JPT1: variants seen among roughly 807,000 people sequenced by gnomAD.
JPT1 encodes Jupiter microtubule associated homolog 1.
A neutral mutation model predicts 17.0 loss-of-function variants in JPT1; 5 were observed. The observed-to-expected ratio is 0.29, with a 90% CI of 0.15 to 0.62. The LOEUF is 0.62. Among genes scored for constraint, JPT1 ranks in the 20% least tolerant of loss-of-function variants. JPT1 has a pLI of 0.85. For synonymous variants in JPT1, 71 were observed against 73.6 expected (o/e 0.96, Z 0.18); for missense variants, 158 against 188.1 (o/e 0.84, Z 0.94).
intron 1 of JPT1, among the ~76,000 whole-genome samples, chr17:75,149,493 G>A (rs570935634): frequency 2.0e-5 from 3 of 152,050 alleles, no homozygotes; most frequent in Non-Finnish European, 2.9e-5. Flanking sequence ...TCAGCCTCCC[G>A]GATAGCTGGG....
chr17:75,153,035 GAT>G (rs2074578032), intron 1 of JPT1: 2 of 152,292 alleles, frequency 1.3e-5, no homozygotes, highest in South Asian at 4.1e-4. Flanking sequence ...ACCCCTGTGA[GAT>G]ATGGCTATTT....
At position 75,135,771 on chromosome 17, in the gene JPT1, G is replaced by A. The variant is rs922413948; in HGVS notation, c.*331C>T. On this transcript the variant is annotated 3_prime_UTR_variant, in exon 5 of 5. Transcript: ENST00000409753. Reference sequence around the variant, plus strand: ...TTTATGGTCTGTCCAGTTGAGGCTTGGTAAACCCAAGTAAAGTGTTAAAAA... The same window carrying A: ...TTTATGGTCTGTCCAGTTGAGGCTTAGTAAACCCAAGTAAAGTGTTAAAAA... 6.4e-6 allele frequency: 3 copies of A among 467,898 alleles called. No individual in the cohort carries two copies. The highest frequency in any genetic ancestry group is 3.0e-5 in the South Asian group (1 of 32,862). 29.0% of individuals were successfully genotyped at this position (467,898 alleles called of 1,614,324 possible).
chr17:75,150,847 C>CTTTT (rs59267123), intron 1 of JPT1, among the ~76,000 whole-genome samples: 126 of 65,918 alleles, frequency 1.9e-3, no homozygotes, highest in East Asian at 4.2e-3. Flanking sequence ...ATTTTTCTTT[C>CTTTT]TTTTTTTTTT....
intron 4 of JPT1, among the ~76,000 whole-genome samples, chr17:75,137,339 T>TG (rs2074218129): frequency 6.7e-5 from 10 of 150,032 alleles, no homozygotes; most frequent in Admixed American, 6.7e-4. Context: ...TTTGTTTGTT[T>TG]TTTGTGGAGG....
At chr17:75,152,625 T>C (rs2074572217) in intron 1 of JPT1, among the ~76,000 whole-genome samples, 1 of 152,204 alleles carries the variant, frequency 6.6e-6, no homozygotes, top group Non-Finnish European at 1.5e-5. Context: ...GAGGATTCAT[T>C]TGACCTAATT....
intron 4 of JPT1, chr17:75,145,311 G>C (rs532355478): frequency 1.3e-5 from 2 of 152,298 alleles, no homozygotes; most frequent in South Asian, 4.1e-4. Flanking sequence ...AGAGGAAGCT[G>C]CTGCTTCTGT....
At chr17:75,137,237 C>A (rs1469173915) in intron 4 of JPT1, among the ~76,000 whole-genome samples, 1 of 151,998 alleles carries the variant, frequency 6.6e-6, no homozygotes, top group African/African-American at 2.4e-5. Context: ...AAAACTGATT[C>A]AAAGTGCAAA....
chr17:75,135,975 AGAC>A lies in JPT1; in HGVS notation c.*124_*126del, dbSNP rs2074185950. On this transcript the variant is annotated 3_prime_UTR_variant, in exon 5 of 5. Coordinates refer to ENST00000409753, the MANE Select transcript of JPT1 (RefSeq NM_016185.4). Reference sequence around the variant, plus strand: ...CTGTTCTTCAAAAGAAAAAAAAAAAAGACAGCAGTACATAAAGTGCTTCTTTTT... The same window carrying A: ...CTGTTCTTCAAAAGAAAAAAAAAAAAAGCAGTACATAAAGTGCTTCTTTTT... 2 of 1,567,504 alleles carry A rather than the reference AGAC, an allele frequency of 1.3e-6. No individual in the cohort carries two copies. Among genetic ancestry groups the A allele is most frequent in the East Asian group, 2.3e-5 (1 of 43,708 alleles).
At chr17:75,142,625 GGGA>G (rs2074342748) in intron 4 of JPT1, 2 of 108,550 alleles carry the variant, frequency 1.8e-5, no homozygotes, top group Non-Finnish European at 1.6e-5. Context: ...GAGGAGGGGA[GGGA>G]GGGGAGGGAG....
intron 1 of JPT1, among the ~76,000 whole-genome samples, chr17:75,151,892 C>T (rs1182051872): frequency 6.6e-6 from 1 of 151,788 alleles, no homozygotes; most frequent in Non-Finnish European, 1.5e-5. Flanking sequence ...TCGCTTGAAC[C>T]TGGAAAGCAG....
intron 4 of JPT1, 172 bp downstream of exon 4, chr17:75,146,494 A>T: frequency 3.7e-6 from 2 of 535,716 alleles, no homozygotes; most frequent in South Asian, 2.7e-5. Context: ...TTTCCCTTCT[A>T]TTATGTTTCT....
intron 4 of JPT1, 50 bp from the exon 5 acceptor site, chr17:75,136,300 G>A: frequency 1.4e-6 from 2 of 1,479,496 alleles, no homozygotes; most frequent in Non-Finnish European, 1.8e-6. Context: ...GCCATTTCCT[G>A]TTAAGATCAA....
In JPT1 at chr17:75,135,494, G is replaced by C. The variant is rs917669937; in HGVS notation, c.*608C>G. 6.6e-6 allele frequency: 1 copy of C among 152,292 alleles called. No individual in the cohort carries two copies. Among genetic ancestry groups the C allele is most frequent in the East Asian group, 1.9e-4 (1 of 5,202 alleles). The allele number at this position is 152,292 out of a possible 1,614,324, so 9.4% of individuals were successfully genotyped here. A position where few individuals can be genotyped will look rare whatever the true frequency, so the allele number is the denominator to read the frequency against. On this transcript the variant is annotated 3_prime_UTR_variant, in exon 5 of 5. Coordinates refer to ENST00000409753, the MANE Select transcript of JPT1 (RefSeq NM_016185.4). ...ATTGTACATCCAAGCCTTCCTCTGC[G>C]TGAGAGCAAAGGCTTTGCTCATCAG...
chr17:75,147,764 C>T, intron 2 of JPT1, 111 bp from the exon 3 acceptor site: 4 of 781,066 alleles, frequency 5.1e-6, no homozygotes, highest in Admixed American at 4.3e-5. Flanking sequence ...TTTAGGAGGC[C>T]GAGGCGGGCA....
chr17:75,139,041 A>G (rs2074261004), intron 4 of JPT1, among the ~76,000 whole-genome samples: 1 of 152,220 alleles, frequency 6.6e-6, no homozygotes, highest in South Asian at 2.1e-4. Flanking sequence ...GGTTACATCC[A>G]TTGTAAAAGA....
chr17:75,135,878 T>C lies in JPT1; in HGVS notation c.*224A>G. 1 of 875,418 alleles carries C rather than the reference T, an allele frequency of 1.1e-6. No homozygotes were observed. Among genetic ancestry groups the C allele is most frequent in the South Asian group, 1.8e-5 (1 of 56,052 alleles). 54.2% of individuals were successfully genotyped at this position (875,418 alleles called of 1,614,324 possible). Reference sequence around the variant, plus strand: ...CACAGTACTAAGTGTCACAAAGCTTTCCCTCCAATCTACTACTAGAAAACA... The same window carrying C: ...CACAGTACTAAGTGTCACAAAGCTTCCCCTCCAATCTACTACTAGAAAACA... On this transcript the variant is annotated 3_prime_UTR_variant, in exon 5 of 5. Coordinates refer to ENST00000409753, the MANE Select transcript of JPT1 (RefSeq NM_016185.4).
At chr17:75,149,862 T>TACAC (rs58993126) in intron 1 of JPT1, among the ~76,000 whole-genome samples, 4,599 of 147,528 alleles carry the variant, frequency 0.031, 143 homozygotes, top group African/African-American at 0.073. Flanking sequence ...CTTACACACT[T>TACAC]ACACACACAC....
At chr17:75,150,839 TTTTC>T (rs1447731155) in intron 1 of JPT1, among the ~76,000 whole-genome samples, 5 of 141,294 alleles carry the variant, frequency 3.5e-5, no homozygotes, top group African/African-American at 1.4e-4. Context: ...TAAGCAACAT[TTTTC>T]TTTCTTTTTT....
At chr17:75,139,068 C>T (rs2074261439) in intron 4 of JPT1, among the ~76,000 whole-genome samples, 1 of 152,166 alleles carries the variant, frequency 6.6e-6, no homozygotes, top group Non-Finnish European at 1.5e-5. Context: ...ATCAAATGCA[C>T]TGGATCAGAC....
Sources: gnomAD v4.1 joint callset for allele counts (sites outside exome capture counted in the v4.1 genomes callset) on GRCh38, gnomAD v4.1.1 for gene constraint, MANE v1.5 for transcripts, NCBI Gene and HGNC (gene_info 2026-07-23, HGNC 2026-07-21) for gene names.